Variants in RAD51B observed in about 807,000 individuals in gnomAD.
The protein encoded by RAD51B is RAD51 paralog B.
Under a neutral mutation model 42.2 loss-of-function variants are expected in RAD51B, and 38 were observed. The ratio of observed to expected loss-of-function variants is 0.90; its 90% CI spans 0.70 to 1.18. The LOEUF is 1.18. Ranked by LOEUF, RAD51B falls within the 50% of genes most tolerant of loss-of-function variation. RAD51B has a pLI of 0.00. For synonymous variants in RAD51B, 154 were observed against 145.2 expected, an observed-to-expected ratio of 1.06 and a Z score of -0.43; for missense variants, 373 against 400.7, an observed-to-expected ratio of 0.93 and a Z score of 0.59.
chr14:68,382,292 G>A (rs540979447), intron 8 of RAD51B, among the ~76,000 whole-genome samples: 1 of 152,284 alleles, frequency 6.6e-6, no homozygotes, highest in Non-Finnish European at 1.5e-5. Context: ...AACCAAAAAT[G>A]TCTCCAGACA....
intron 8 of RAD51B, among the ~76,000 whole-genome samples, chr14:68,377,242 T>G (rs2083388775): frequency 6.6e-6 from 1 of 152,190 alleles, no homozygotes; most frequent in Non-Finnish European, 1.5e-5. Context: ...GTGGCCCATT[T>G]AAAACAGGCC....
rs1253095747 is a variant in RAD51B at position 67,873,656 on chromosome 14, T to C, written c.452+8517T>C. ...ATGCACACGTATGTTTATTGTGGCA[T>C]TATTCACAATAGCAAAGACTTGGAA... On this transcript the variant is annotated intron_variant, in intron 5 of 10. Transcript: ENST00000471583. Among the ~76,000 whole-genome samples the C allele has an allele frequency of 2.6e-5, 4 of 151,240 alleles. No individual in the cohort carries two copies. In the South Asian group the frequency reaches 6.3e-4, roughly 24 times the overall value.
At chr14:68,185,905 C>T (rs1164899483) in intron 7 of RAD51B, among the ~76,000 whole-genome samples, 1 of 152,080 alleles carries the variant, frequency 6.6e-6, no homozygotes, top group East Asian at 1.9e-4. Flanking sequence ...CTGGGGGTAC[C>T]CCTGCACAAA....
At chr14:68,321,828 G>A (rs2082162846) in intron 8 of RAD51B, among the ~76,000 whole-genome samples, 1 of 152,072 alleles carries the variant, frequency 6.6e-6, no homozygotes, top group Non-Finnish European at 1.5e-5. Context: ...ATGGCTCACT[G>A]CAGCCTCAAT....
At chr14:68,462,832 G>A (rs2085878784) in intron 9 of RAD51B, among the ~76,000 whole-genome samples, 1 of 152,178 alleles carries the variant, frequency 6.6e-6, no homozygotes, top group African/African-American at 2.4e-5. Flanking sequence ...TGGGAGATGG[G>A]ATTAACTGCC....
Position 68,571,319 on chromosome 14 carries a change from T to G in RAD51B, c.1037-23166T>G, listed in dbSNP as rs1320495600. ...CAACAGTACAAATCAATTACCTGTA[T>G]AATCCTGGAGGTCAGAAGTCCAAAA... On this transcript the variant is annotated intron_variant, in intron 10 of 10. Coordinates refer to the RAD51B transcript ENST00000487270. 2.0e-5 allele frequency among the ~76,000 whole-genome samples: 3 copies of G among 152,236 alleles called. No homozygotes were observed. In the East Asian group the frequency reaches 5.8e-4, roughly 29 times the overall value.
At chr14:68,622,769 G>A (rs761951) in intron 10 of RAD51B, among the ~76,000 whole-genome samples, 17 of 148,590 alleles carry the variant, frequency 1.1e-4, no homozygotes, top group African/African-American at 4.3e-4. Flanking sequence ...CCTCCTGAGG[G>A]CTATTTGTGT....
chr14:67,973,424 C>CA (rs1555424144), intron 7 of RAD51B, among the ~76,000 whole-genome samples: 1 of 152,026 alleles, frequency 6.6e-6, no homozygotes, highest in Non-Finnish European at 1.5e-5. Context: ...CACACACACA[C>CA]AAAAAACTAT....
intron 10 of RAD51B, among the ~76,000 whole-genome samples, chr14:68,489,088 G>A (rs1307819053): frequency 6.6e-6 from 1 of 151,046 alleles, no homozygotes; most frequent in Non-Finnish European, 1.5e-5. Flanking sequence ...CAAGTAGCTG[G>A]GATTACAGGC....
At chr14:68,170,101 A>G (rs1374161417) in intron 7 of RAD51B, among the ~76,000 whole-genome samples, 1 of 152,084 alleles carries the variant, frequency 6.6e-6, no homozygotes, top group East Asian at 1.9e-4. Context: ...GAATAAGAGA[A>G]CTCTTTGGTT....
chr14:68,391,661 CT>C (rs2083762939), intron 8 of RAD51B, among the ~76,000 whole-genome samples: 1 of 151,956 alleles, frequency 6.6e-6, no homozygotes, highest in Non-Finnish European at 1.5e-5. Context: ...ATCATGAAGC[CT>C]TTGACTTTCA....
At chr14:68,603,598 C>G (rs1184058914) in intron 10 of RAD51B, among the ~76,000 whole-genome samples, 2 of 152,058 alleles carry the variant, frequency 1.3e-5, no homozygotes, top group Non-Finnish European at 2.9e-5. Flanking sequence ...TAAGGCAACC[C>G]GAGACTTCCT....
chr14:68,432,016 G>C (rs907868618), intron 9 of RAD51B, among the ~76,000 whole-genome samples: 1 of 152,196 alleles, frequency 6.6e-6, no homozygotes, highest in Non-Finnish European at 1.5e-5. Context: ...GTACCCAGTA[G>C]TCATTCAGCA....
At chr14:67,915,029 G>C (rs546881800) in intron 7 of RAD51B, among the ~76,000 whole-genome samples, 1 of 152,238 alleles carries the variant, frequency 6.6e-6, no homozygotes, top group East Asian at 1.9e-4. Flanking sequence ...TAAACATCGG[G>C]TATTCATGGA....
intron 7 of RAD51B, among the ~76,000 whole-genome samples, chr14:68,138,668 A>G (rs1595456161): frequency 2.6e-5 from 4 of 152,184 alleles, no homozygotes; most frequent in South Asian, 2.1e-4. Flanking sequence ...CAGGAAGTCT[A>G]TTGAAAGACT....
At chr14:68,651,846 C>G (rs1892705891) in intron 11 of RAD51B, among the ~76,000 whole-genome samples, 1 of 152,190 alleles carries the variant, frequency 6.6e-6, no homozygotes, top group African/African-American at 2.4e-5. Flanking sequence ...GAACCCCACT[C>G]CAGAGCTTCT....
At chr14:68,632,855 A>G (rs1230999682) in intron 10 of RAD51B, among the ~76,000 whole-genome samples, 2 of 151,474 alleles carry the variant, frequency 1.3e-5, no homozygotes, top group African/African-American at 4.9e-5. Flanking sequence ...AGCTCACTGC[A>G]GCCTTGACCA....
chr14:68,203,319 T>C (rs2079527294), intron 7 of RAD51B, among the ~76,000 whole-genome samples: 1 of 152,144 alleles, frequency 6.6e-6, no homozygotes, highest in East Asian at 1.9e-4. Flanking sequence ...CCATCAGAGC[T>C]CTTGGGTGAC....
chr14:67,898,553 A>G (rs1431815896), intron 7 of RAD51B, among the ~76,000 whole-genome samples: 1 of 152,236 alleles, frequency 6.6e-6, no homozygotes, highest in Non-Finnish European at 1.5e-5. Flanking sequence ...GTTGAAAGGT[A>G]GATCTTACAT....
Sources: gnomAD v4.1 joint callset for allele counts (sites outside exome capture counted in the v4.1 genomes callset) on GRCh38, gnomAD v4.1.1 for gene constraint, MANE v1.5 for transcripts, NCBI Gene and HGNC (gene_info 2026-07-23, HGNC 2026-07-21) for gene names.